The following GRM5 variants were observed in gnomAD, a reference collection of about 807,000 sequenced individuals.
The protein encoded by GRM5 is metabotropic glutamate receptor 5.
GRM5 carries 19 observed loss-of-function variants against 83.1 expected under a neutral mutation model. The ratio of observed to expected loss-of-function variants is 0.23; its 90% confidence interval spans 0.16 to 0.34. The LOEUF (loss-of-function observed/expected upper bound fraction) is 0.34. Ranked by LOEUF, GRM5 falls within the 10% of genes least tolerant of loss-of-function variation. The probability of loss-of-function intolerance (pLI) is 1.00; values close to 1 mark genes in which losing one functional copy is unlikely to be tolerated. For missense variants in GRM5, 1,160 were observed against 1,588.3 expected, an observed-to-expected ratio of 0.73 and a Z score of 4.58; for synonymous variants, 675 against 633.6, an observed-to-expected ratio of 1.07 and a Z score of -0.98.
rs149179019 is a variant in GRM5 at position 88,564,188 on chromosome 11, G to C, written c.2630+2865C>G. On this transcript the variant is annotated intron_variant, in intron 8 of 9. Transcript: ENST00000305447. Reference sequence around the variant, plus strand: ...AGCTATAATCACATAGACAGATCAAGATTTGCCAAGATTGCAGAAAGAAGA... The same window carrying C: ...AGCTATAATCACATAGACAGATCAACATTTGCCAAGATTGCAGAAAGAAGA... 9.9e-5 allele frequency among the ~76,000 whole-genome samples: 15 copies of C among 152,204 alleles called. No homozygotes were observed. The East Asian group carries it at 2.9e-3, about 29-fold the overall frequency.
chr11:88,779,837 A>G (rs997347082), intron 3 of GRM5, among the ~76,000 whole-genome samples: 5 of 152,168 alleles, frequency 3.3e-5, no homozygotes, highest in African/African-American at 1.2e-4. Flanking sequence ...TTCCAACTCC[A>G]TGATGTTTCT....
rs536299712 is a variant in GRM5, at chr11:88,796,431, T to C, written c.911+53475A>G. Among the ~76,000 whole-genome samples, 4 of 152,322 alleles carry C rather than the reference T, an allele frequency of 2.6e-5. No individual in the cohort carries two copies. In the South Asian group the frequency reaches 8.3e-4, roughly 32 times the overall value. On this transcript the variant is annotated intron_variant, in intron 3 of 9. Coordinates refer to ENST00000305447, the MANE Select transcript of GRM5 (RefSeq NM_001143831.3). ...ATTAAATTTTTATAAAAAGTGTCTT[T>C]TCTTTTAAATTTTACAAAAGACATA...
intron 3 of GRM5, among the ~76,000 whole-genome samples, chr11:88,779,437 A>G (rs1454662362): frequency 6.6e-6 from 1 of 152,212 alleles, no homozygotes; most frequent in Non-Finnish European, 1.5e-5. Flanking sequence ...ATACTGCAAC[A>G]GAAGTTAAGG....
At chr11:88,573,360 G>A (rs1301301685) in intron 7 of GRM5, among the ~76,000 whole-genome samples, 1 of 152,108 alleles carries the variant, frequency 6.6e-6, no homozygotes, top group Non-Finnish European at 1.5e-5. Context: ...TGCTTAGATT[G>A]TTAGTTTTGC....
chr11:88,584,731 A>G (rs1312963117), intron 7 of GRM5, among the ~76,000 whole-genome samples: 3 of 152,220 alleles, frequency 2.0e-5, no homozygotes, highest in Admixed American at 6.5e-5. Flanking sequence ...GGCATGAGCC[A>G]CTGCACCTGG....
At chr11:88,790,385 G>A (rs1336181269) in intron 3 of GRM5, among the ~76,000 whole-genome samples, 1 of 152,006 alleles carries the variant, frequency 6.6e-6, no homozygotes, top group African/African-American at 2.4e-5. Flanking sequence ...TGTATTTGCT[G>A]AATAAGCAAA....
chr11:88,562,665 A>C (rs1942784650), intron 8 of GRM5, among the ~76,000 whole-genome samples: 1 of 150,528 alleles, frequency 6.6e-6, no homozygotes, highest in Admixed American at 6.6e-5. Flanking sequence ...TCTCTGTTCC[A>C]TTCCTCTTCC....
At chr11:88,668,111 C>T (rs1361772527) in intron 3 of GRM5, among the ~76,000 whole-genome samples, 1 of 151,760 alleles carries the variant, frequency 6.6e-6, no homozygotes, top group Non-Finnish European at 1.5e-5. Context: ...AGAAAAATCC[C>T]TACATAAGTA....
intron 3 of GRM5, among the ~76,000 whole-genome samples, chr11:88,790,162 C>A (rs947932843): frequency 2.0e-5 from 3 of 152,200 alleles, no homozygotes; most frequent in African/African-American, 7.2e-5. Flanking sequence ...CTGCACCTGG[C>A]TCGTACAAGC....
intron 4 of GRM5, among the ~76,000 whole-genome samples, chr11:88,617,050 T>C (rs1938504278): frequency 6.6e-6 from 1 of 151,938 alleles, no homozygotes. Context: ...AAATAACAGG[T>C]CTCATTCTCA....
chr11:88,631,856 A>G (rs2135272593), intron 4 of GRM5, among the ~76,000 whole-genome samples: 1 of 152,296 alleles, frequency 6.6e-6, no homozygotes, highest in South Asian at 2.1e-4. Flanking sequence ...GAGATAAGGG[A>G]CTTGGTTATT....
At chr11:89,059,390 A>G (rs1941942524) in intron 1 of GRM5, among the ~76,000 whole-genome samples, 1 of 152,218 alleles carries the variant, frequency 6.6e-6, no homozygotes, top group Non-Finnish European at 1.5e-5. Context: ...TCTTGAATAT[A>G]TGAGAAAAGT....
chr11:88,652,835 A>G (rs1209310930), intron 4 of GRM5, among the ~76,000 whole-genome samples: 2 of 152,124 alleles, frequency 1.3e-5, no homozygotes, highest in Non-Finnish European at 2.9e-5. Flanking sequence ...AGAAATGAGC[A>G]GAATGCAGTC....
At chr11:88,668,552 A>T (rs1182663524) in intron 3 of GRM5, among the ~76,000 whole-genome samples, 1 of 152,170 alleles carries the variant, frequency 6.6e-6, no homozygotes, top group Admixed American at 6.6e-5. Flanking sequence ...AAAAATCTCA[A>T]ATAACATATT....
At chr11:88,746,308 T>G (rs533402647) in intron 3 of GRM5, among the ~76,000 whole-genome samples, 1 of 152,302 alleles carries the variant, frequency 6.6e-6, no homozygotes, top group East Asian at 1.9e-4. Flanking sequence ...CCACAATAAC[T>G]TCTACAACAC....
intron 3 of GRM5, among the ~76,000 whole-genome samples, chr11:88,749,015 C>A (rs1366760208): frequency 6.6e-6 from 1 of 152,124 alleles, no homozygotes; most frequent in East Asian, 1.9e-4. Flanking sequence ...ATGCTGAAAA[C>A]TCAAAAAGCC....
Position 88,751,402 on chromosome 11 carries a change from C to T in GRM5, c.912-97999G>A, listed in dbSNP as rs540978111. Among the ~76,000 whole-genome samples the T allele has an allele frequency of 3.7e-4, 57 of 152,094 alleles. 1 individual carries two copies. Among genetic ancestry groups the T allele is most frequent in the African/African-American group, 1.1e-3 (46 of 41,508 alleles). The stretch of plus-strand genomic sequence containing the variant: ...CACATACACCCTCTCAAGACTGAAC[C>T]GGGGAGAAACTGAATCCCTGAATAG... On this transcript the variant is annotated intron_variant, in intron 3 of 9. Coordinates refer to ENST00000305447, the MANE Select transcript of GRM5 (RefSeq NM_001143831.3).
At chr11:88,866,224 T>TA (rs1157580442) in intron 2 of GRM5, among the ~76,000 whole-genome samples, 1 of 151,922 alleles carries the variant, frequency 6.6e-6, no homozygotes, top group Admixed American at 6.6e-5. Flanking sequence ...TATGCAGCCA[T>TA]AAAAAAGGAT....
At chr11:88,674,777 T>A (rs1940281653) in intron 3 of GRM5, among the ~76,000 whole-genome samples, 1 of 151,906 alleles carries the variant, frequency 6.6e-6, no homozygotes, top group Non-Finnish European at 1.5e-5. Flanking sequence ...CTCACTTGAA[T>A]TAGGTGCTAC....
Sources: allele counts gnomAD v4.1 joint callset (sites outside exome capture counted in the v4.1 genomes callset), GRCh38; gene constraint gnomAD v4.1.1; transcripts MANE v1.5; gene names NCBI Gene and HGNC (gene_info 2026-07-23, HGNC 2026-07-21).